KCNU1: variants seen among roughly 807,000 people sequenced by gnomAD.
KCNU1 encodes the protein potassium calcium-activated channel subfamily U member 1.
Under a neutral mutation model 126.8 loss-of-function variants are expected in KCNU1, and 93 were observed. The observed-to-expected ratio is 0.73, with a 90% CI of 0.62 to 0.87. The LOEUF (loss-of-function observed/expected upper bound fraction) is 0.87. KCNU1 is among the 40% of genes least tolerant of loss of function. The pLI is 0.00. For synonymous variants in KCNU1, 523 were observed against 494.2 expected (o/e 1.06, Z -0.77); for missense variants, 1,330 against 1,367.1 (o/e 0.97, Z 0.43).
chr8:36,914,394 T>C (rs1461696536), intron 22 of KCNU1, among the ~76,000 whole-genome samples: 29 of 152,184 alleles, frequency 1.9e-4, no homozygotes, highest in Admixed American at 1.9e-3. Context: ...CGTCTTTCAA[T>C]ACACAGGACG....
In KCNU1 at chr8:36,935,892, A is replaced by T. The variant is rs754187921; in HGVS notation, c.3422A>T (p.Asp1141Val). The T allele has an allele frequency of 1.2e-6, 2 of 1,601,788 alleles. No homozygotes were observed. The highest frequency in any genetic ancestry group is 4.5e-5 in the East Asian group (2 of 44,788). ...ACTTCAGATGAGGTTTATGATGAGG[A>T]TCCCTTTGCATATTCAGAGCCACTA... ...RKTSDEVYDEDPFAYSEPL is the reference protein window; with the variant it reads ...RKTSDEVYDEVPFAYSEPL Residue 1141 changes from aspartate (D) to valine (V), a missense_variant, in exon 27 of 27, where the codon GAT (aspartate) becomes GTT (valine). Coordinates refer to ENST00000399881, the MANE Select transcript of KCNU1 (RefSeq NM_001031836.3).
chr8:36,925,785 C>G (rs542306218), intron 24 of KCNU1, among the ~76,000 whole-genome samples: 1 of 152,302 alleles, frequency 6.6e-6, no homozygotes, highest in South Asian at 2.1e-4. Flanking sequence ...CATCTAGAGT[C>G]ACTACCGCAG....
intron 22 of KCNU1, among the ~76,000 whole-genome samples, chr8:36,917,175 A>G (rs1487765477): frequency 6.6e-6 from 1 of 152,220 alleles, no homozygotes; most frequent in Non-Finnish European, 1.5e-5. Flanking sequence ...TCTTCTAAGC[A>G]GCAGGGAATC....
chr8:36,808,452 C>A (rs1171697448), intron 6 of KCNU1, among the ~76,000 whole-genome samples: 1 of 152,018 alleles, frequency 6.6e-6, no homozygotes, highest in East Asian at 1.9e-4. Flanking sequence ...TCAAACTTCC[C>A]AAACAAGTAT....
chr8:36,803,678 G>T (rs1273860518), intron 2 of KCNU1, among the ~76,000 whole-genome samples: 1 of 152,176 alleles, frequency 6.6e-6, no homozygotes, highest in Non-Finnish European at 1.5e-5. Flanking sequence ...CTTAATAGAT[G>T]TTTGATGAGT....
At chr8:36,850,642 A>T (rs1218048034) in intron 18 of KCNU1, among the ~76,000 whole-genome samples, 1 of 151,996 alleles carries the variant, frequency 6.6e-6, no homozygotes, top group Non-Finnish European at 1.5e-5. Context: ...TTTTTTGTAA[A>T]GATAGGGTTT....
At chr8:36,824,859 A>T (rs1361945953) in intron 10 of KCNU1, among the ~76,000 whole-genome samples, 1 of 152,158 alleles carries the variant, frequency 6.6e-6, no homozygotes, top group East Asian at 1.9e-4. Context: ...TATTCTATGA[A>T]TACACCACAA....
chr8:36,912,388 C>T (rs1209651170), intron 22 of KCNU1, among the ~76,000 whole-genome samples: 1 of 152,148 alleles, frequency 6.6e-6, no homozygotes, highest in Non-Finnish European at 1.5e-5. Flanking sequence ...AGCAACCAAT[C>T]CTGACCCAGA....
At chr8:36,853,053 GA>G (rs910893559) in intron 18 of KCNU1, among the ~76,000 whole-genome samples, 2 of 151,752 alleles carry the variant, frequency 1.3e-5, no homozygotes, top group African/African-American at 4.8e-5. Context: ...TTTAAAAAAG[GA>G]AAAAAAACTA....
chr8:36,794,055 CAA>C (rs747930765), intron 2 of KCNU1, among the ~76,000 whole-genome samples: 14,200 of 64,076 alleles, frequency 0.22, 463 homozygotes, highest in Admixed American at 0.33. Flanking sequence ...CTCTGTCTCT[CAA>C]AAAAAAAAAA....
chr8:36,856,526 A>T, intron 18 of KCNU1, among the ~76,000 whole-genome samples: 1 of 152,118 alleles, frequency 6.6e-6, no homozygotes, highest in East Asian at 1.9e-4. Context: ...GATGTTGCTC[A>T]TTGGAGAGTG....
intron 2 of KCNU1, among the ~76,000 whole-genome samples, chr8:36,798,386 AC>A (rs1208520789): frequency 6.6e-6 from 1 of 152,108 alleles, no homozygotes; most frequent in Non-Finnish European, 1.5e-5. Context: ...TTACCCCAAA[AC>A]ATGTTTATTT....
intron 4 of KCNU1, among the ~76,000 whole-genome samples, chr8:36,805,892 G>T (rs1166797323): frequency 6.6e-6 from 1 of 152,056 alleles, no homozygotes; most frequent in Non-Finnish European, 1.5e-5. Context: ...CACCTAGGCT[G>T]CAGTACAGTG....
intron 24 of KCNU1, among the ~76,000 whole-genome samples, chr8:36,925,978 C>T (rs922556437): frequency 2.6e-5 from 4 of 152,110 alleles, no homozygotes; most frequent in South Asian, 4.1e-4. Context: ...CCACAGTTCT[C>T]GTCCCCCAGA....
intron 19 of KCNU1, among the ~76,000 whole-genome samples, chr8:36,896,874 G>A (rs1300130924): frequency 6.6e-6 from 1 of 152,024 alleles, no homozygotes; most frequent in Non-Finnish European, 1.5e-5. Context: ...ATTTATATTT[G>A]TATTAAGATA....
intron 12 of KCNU1, among the ~76,000 whole-genome samples, chr8:36,835,812 G>A (rs1458461334): frequency 1.3e-5 from 2 of 152,182 alleles, no homozygotes; most frequent in Admixed American, 1.3e-4. Context: ...GATAGCTGAA[G>A]GTGACATTAC....
At chr8:36,885,341 G>T (rs1293745262) in intron 19 of KCNU1, among the ~76,000 whole-genome samples, 4 of 151,328 alleles carry the variant, frequency 2.6e-5, no homozygotes, top group Non-Finnish European at 5.9e-5. Flanking sequence ...GATCCCCTGA[G>T]GTCAGGAGTT....
At chr8:36,848,727 T>A (rs949288572) in intron 18 of KCNU1, among the ~76,000 whole-genome samples, 1 of 152,206 alleles carries the variant, frequency 6.6e-6, no homozygotes, top group Non-Finnish European at 1.5e-5. Context: ...GCAGTCCTCT[T>A]GCATTGTTGC....
chr8:36,806,229 A>C (rs775366264), intron 4 of KCNU1, 40 bp from the exon 5 acceptor site: 1 of 1,324,026 alleles, frequency 7.6e-7, no homozygotes, highest in Admixed American at 2.0e-5. Context: ...AAAATTCTTG[A>C]GGGTAACAGA....
Sources: allele counts gnomAD v4.1 joint callset (sites outside exome capture counted in the v4.1 genomes callset), GRCh38; gene constraint gnomAD v4.1.1; transcripts MANE v1.5; gene names NCBI Gene and HGNC (gene_info 2026-07-23, HGNC 2026-07-21).